TOM1: variants seen among roughly 807,000 people sequenced by gnomAD.
TOM1 encodes the protein target of myb1 membrane trafficking protein, also known as target of Myb protein 1.
Under a neutral mutation model 61.3 loss-of-function variants are expected in TOM1, and 38 were observed. That is an observed-to-expected ratio of 0.62 (90% CI 0.48 to 0.81). TOM1 has a LOEUF of 0.81. Ranked by LOEUF, TOM1 falls within the 40% of genes least tolerant of loss-of-function variation. The probability of loss-of-function intolerance (pLI) is 0.00; values close to 1 mark genes in which losing one functional copy is unlikely to be tolerated. For synonymous variants in TOM1, 270 were observed against 268.8 expected (o/e 1.00, Z -0.04); for missense variants, 591 against 659.6 (o/e 0.90, Z 1.14).
chr22:35,306,842 C>G (rs900153735), intron 1 of TOM1, among the ~76,000 whole-genome samples: 1 of 152,186 alleles, frequency 6.6e-6, no homozygotes, highest in African/African-American at 2.4e-5. Flanking sequence ...GGCAAATGAG[C>G]GGTCACTGGC....
chr22:35,345,933 C>A, intron 13 of TOM1, 149 bp downstream of exon 13: 1 of 836,478 alleles, frequency 1.2e-6, no homozygotes, highest in Non-Finnish European at 1.9e-6. Flanking sequence ...CTGCCACCTG[C>A]CCACCTTGTG....
At chr22:35,311,614 ACCAGAAGGTGGGCC>A (rs1455822853) in intron 1 of TOM1, among the ~76,000 whole-genome samples, 2 of 152,312 alleles carry the variant, frequency 1.3e-5, no homozygotes, top group Non-Finnish European at 2.9e-5. Flanking sequence ...GCTCTGTTGC[ACCAGAAGGTGGGCC>A]CCAGAAGGTC....
rs1039421742 is a variant in TOM1, at chr22:35,323,536, G to T, written c.407G>T (p.Gly136Val). ...TTCCGCAGCTCGCCCGATCTGACAG[G>T]TGTGGTCACCATCTATGAGGACCTG... ...DAFRSSPDLT[G>V]VVTIYEDLRR... Residue 136 changes from glycine (G) to valine (V), a missense_variant, in exon 5 of 15, where the codon GGT becomes GTT. Physicochemically the swap from Gly to Val is moderately radical, Grantham distance 109. Transcript: ENST00000449058. This position sits in a 1 kb window ranked among gnomAD's most constrained non-coding sequence, Gnocchi z 4.2. The T allele has an allele frequency of 2.5e-6, 4 of 1,614,064 alleles. No homozygotes were observed. Among genetic ancestry groups the T allele is most frequent in the African/African-American group, 1.3e-5 (1 of 74,906 alleles).
intron 6 of TOM1, among the ~76,000 whole-genome samples, chr22:35,324,552 G>A (rs1054941985): frequency 3.3e-5 from 5 of 151,976 alleles, no homozygotes; most frequent in African/African-American, 9.7e-5. Flanking sequence ...AAGGTCTGAA[G>A]CTTTTTTGTT....
chr22:35,302,054 T>C, intron 1 of TOM1, among the ~76,000 whole-genome samples: 1 of 152,270 alleles, frequency 6.6e-6, no homozygotes, highest in East Asian at 1.9e-4. Flanking sequence ...CAAAGCAAAC[T>C]TCTCTTCTTA....
intron 3 of TOM1, chr22:35,322,254 A>G: frequency 1.8e-6 from 1 of 562,282 alleles, no homozygotes; most frequent in Non-Finnish European, 3.2e-6. Flanking sequence ...ATGGGAACAG[A>G]CGCTTACATC....
chr22:35,341,280 A>G (rs1209415457), intron 12 of TOM1, among the ~76,000 whole-genome samples: 1 of 152,184 alleles, frequency 6.6e-6, no homozygotes. Context: ...CCTGGCACAC[A>G]CTACGGTATT....
At chr22:35,311,997 G>A (rs961005140) in intron 1 of TOM1, among the ~76,000 whole-genome samples, 4 of 152,162 alleles carry the variant, frequency 2.6e-5, no homozygotes. Flanking sequence ...GCTCACGCCT[G>A]TAATCCCAGC....
At chr22:35,318,029 C>T in intron 2 of TOM1, 68 bp downstream of exon 2, 1 of 1,376,116 alleles carries the variant, frequency 7.3e-7, no homozygotes, top group Non-Finnish European at 1.0e-6. Flanking sequence ...ACTCCTGCAC[C>T]CTTCCAGGGA....
chr22:35,333,055 A>C, intron 9 of TOM1, 41 bp downstream of exon 9: 3 of 1,609,328 alleles, frequency 1.9e-6, no homozygotes, highest in Non-Finnish European at 1.7e-6. Context: ...GGCCCTGTTC[A>C]TGGGAAGAAG....
chr22:35,336,942 CTT>C (rs138791), intron 11 of TOM1: 336 of 131,046 alleles, frequency 2.6e-3, no homozygotes, highest in African/African-American at 4.5e-3. Context: ...GCAGATAGTT[CTT>C]TTTTTTTTTT....
chr22:35,323,668 G>A lies in TOM1; in HGVS notation c.501+38G>A. 5.0e-6 allele frequency: 8 copies of A among 1,613,722 alleles called. No individual in the cohort carries two copies. The highest frequency in any genetic ancestry group is 6.8e-6 in the Non-Finnish European group (8 of 1,179,660). On this transcript the variant is annotated intron_variant, in intron 5 of 14. Coordinates refer to ENST00000449058, the MANE Select transcript of TOM1 (RefSeq NM_005488.3). The surrounding 1 kb of genome is among the most constrained non-coding windows in gnomAD (Gnocchi z 4.2). The stretch of plus-strand genomic sequence containing the variant: ...CCGTACCGGGAACCAAGGGAAGGGA[G>A]GCAGGACTCATCCCCAGAGACATCA...
At chr22:35,315,046 C>T (rs1193475576) in intron 1 of TOM1, among the ~76,000 whole-genome samples, 2 of 152,028 alleles carry the variant, frequency 1.3e-5, no homozygotes, top group Non-Finnish European at 2.9e-5. Flanking sequence ...TAGGGAGACA[C>T]GGAAGGATTT....
At chr22:35,339,967 C>A (rs1051974105) in intron 12 of TOM1, among the ~76,000 whole-genome samples, 1 of 152,074 alleles carries the variant, frequency 6.6e-6, no homozygotes, top group African/African-American at 2.4e-5. Context: ...TCTTTGAATT[C>A]CGTTTAGTTC....
rs1289364176 is a variant in TOM1, at chr22:35,332,502, A to T, written c.900-479A>T. On this transcript the variant is annotated intron_variant, in intron 8 of 14. Transcript: ENST00000449058. ...CAGACCCCACACTAAAGTCTTCTCGATCTATCACACCGGCCCCTAAGTAGC... is the reference window on the plus strand; with the variant it reads ...CAGACCCCACACTAAAGTCTTCTCGTTCTATCACACCGGCCCCTAAGTAGC... Among the ~76,000 whole-genome samples, 3 of 152,104 alleles carry T rather than the reference A, an allele frequency of 2.0e-5. No homozygotes were observed. The East Asian group carries it at 5.8e-4, about 29-fold the overall frequency.
chr22:35,307,737 G>C (rs1358023605), intron 1 of TOM1, among the ~76,000 whole-genome samples: 1 of 152,150 alleles, frequency 6.6e-6, no homozygotes, highest in African/African-American at 2.4e-5. Flanking sequence ...GAGAAGGGAG[G>C]GGGAGAGAAG....
rs765038615 is a variant in TOM1, at chr22:35,334,329, C to T, written c.1029C>T (p.Asn343=). ...CACGTGGCCTTTCTGTCCCTGCAGA[C>T]CTGGGCTCCAGCAGTGTGAGAGCTG... The part of the protein sequence containing the change: ...GNLSSQLAGM[N]LGSSSVRAGL... The change falls in exon 11 of 15, where the codon AAC becomes AAT. Residue 343 remains asparagine (N), a splice_region_variant and synonymous_variant. Transcript: ENST00000449058. 4 of 1,612,758 alleles carry T rather than the reference C, an allele frequency of 2.5e-6. No homozygotes were observed. Among genetic ancestry groups the T allele is most frequent in the Non-Finnish European group, 3.4e-6 (4 of 1,179,138 alleles).
intron 1 of TOM1, among the ~76,000 whole-genome samples, chr22:35,304,542 G>A (rs547530409): frequency 7.2e-5 from 11 of 152,182 alleles, no homozygotes; most frequent in African/African-American, 1.7e-4. Context: ...GCAGTGGCGC[G>A]ATCTCGGCTC....
At chr22:35,329,864 A>G (rs1173782225) in intron 7 of TOM1, among the ~76,000 whole-genome samples, 2 of 152,242 alleles carry the variant, frequency 1.3e-5, no homozygotes, top group Admixed American at 6.5e-5. Context: ...AACACTTGGA[A>G]GTGAAGTTCA....
Sources: allele counts gnomAD v4.1 joint callset (sites outside exome capture counted in the v4.1 genomes callset), GRCh38; gene constraint gnomAD v4.1.1; non-coding constraint Gnocchi (gnomAD v3.1); transcripts MANE v1.5; gene names NCBI Gene and HGNC (gene_info 2026-07-23, HGNC 2026-07-21).